HSD11B1L: variants seen among roughly 807,000 people sequenced by gnomAD.
HSD11B1L encodes the protein hydroxysteroid 11-beta dehydrogenase 1 like.
In HSD11B1L, 22 loss-of-function variants were observed where a neutral mutation model predicts 27.0. That is an observed-to-expected ratio of 0.81 (90% CI 0.58 to 1.16). The LOEUF (loss-of-function observed/expected upper bound fraction) is 1.16, where lower values mean the gene tolerates loss of function less well. Among genes scored for constraint, HSD11B1L ranks in the 50% most tolerant of loss-of-function variants. The pLI, the probability that HSD11B1L is intolerant of heterozygous loss-of-function variation, is 0.00. For missense variants in HSD11B1L, 372 were observed against 401.8 expected (o/e 0.93, Z 0.63); for synonymous variants, 187 against 189.2 (o/e 0.99, Z 0.09).
In HSD11B1L at chr19:5,686,405, G is replaced by GCC; in HGVS notation, c.205-4_205-3dup. 5.2e-6 allele frequency: 8 copies of GCC among 1,528,212 alleles called. No homozygotes were observed. Among genetic ancestry groups the GCC allele is most frequent in the East Asian group, 4.7e-5 (2 of 42,218 alleles). The allele number at this position is 1,528,212 out of a possible 1,614,324, so 94.7% of individuals were successfully genotyped here. A position where few individuals can be genotyped will look rare whatever the true frequency, so the allele number is the denominator to read the frequency against. On this transcript the variant is annotated splice_polypyrimidine_tract_variant and intron_variant, in intron 3 of 7. Coordinates refer to ENST00000339423, the MANE Select transcript of HSD11B1L (RefSeq NM_198706.3). ...GAGGAGAGGCCCACGGGCAGCTCTGGCCCCCCCCAGGTGGTAGGGAACTGC... is the reference window on the plus strand; with the variant it reads ...GAGGAGAGGCCCACGGGCAGCTCTGGCCCCCCCCCCAGGTGGTAGGGAACTGC...
chr19:5,687,150 C>T lies in HSD11B1L; in HGVS notation c.409-132C>T. 8.3e-7 allele frequency: 1 copy of T among 1,197,638 alleles called. No homozygotes were observed. The highest frequency in any genetic ancestry group is 2.6e-5 in the East Asian group (1 of 39,180). 74.2% of individuals were successfully genotyped at this position (1,197,638 alleles called of 1,614,324 possible). ...CCCAAGCCCCTGCTCCGGCCTTGAC[C>T]CCGCCCTCGGACCCGCCTTCCGGGT... On this transcript the variant is annotated intron_variant, in intron 5 of 7. Coordinates refer to ENST00000339423, the MANE Select transcript of HSD11B1L (RefSeq NM_198706.3). The surrounding 1 kb of genome is among the most constrained non-coding windows in gnomAD (Gnocchi z 6.6).
intron 1 of HSD11B1L, chr19:5,683,915 T>A (rs1312020296): frequency 6.4e-6 from 2 of 313,234 alleles, no homozygotes; most frequent in African/African-American, 2.2e-5. Context: ...AAAATAAAAA[T>A]AAAAAAATAA....
rs746809651 is a variant in HSD11B1L at position 5,686,910 on chromosome 19, C to CT, written c.328dup (p.Tyr110LeufsTer208). On this transcript the variant is annotated frameshift_variant, in exon 5 of 8. Transcript: ENST00000339423. LOFTEE classifies it high-confidence loss of function. ...GCGTTTCTGGGCCAGGCGGGCTGGA[C>CT]TACCTCGTGCTGAACCACATCGGCG... 6.4e-7 allele frequency: 1 copy of CT among 1,550,830 alleles called. No individual in the cohort carries two copies. Among genetic ancestry groups the CT allele is most frequent in the South Asian group, 1.2e-5 (1 of 84,002 alleles).
In HSD11B1L at chr19:5,682,836, T is replaced by TA. The variant is rs2054592577; in HGVS notation, c.-15+1566dup. 2.4e-5 allele frequency among the ~76,000 whole-genome samples: 3 copies of TA among 126,232 alleles called. No homozygotes were observed. The South Asian group carries it at 7.6e-4, about 32-fold the overall frequency. The allele number at this position is 126,232 out of a possible 152,430, so 82.8% of individuals were successfully genotyped here. On this transcript the variant is annotated intron_variant, in intron 1 of 7. Transcript: ENST00000339423. ...TTTTTTTTTTTTTTTTTTTTTTTTT[T>TA]AGACAGAGTCTCACTCTGTTGCCCA...
chr19:5,686,780 G>T, intron 4 of HSD11B1L, 120 bp from the exon 5 acceptor site: 1 of 827,848 alleles, frequency 1.2e-6, no homozygotes, highest in Non-Finnish European at 1.9e-6. Context: ...TGATCGTAGT[G>T]GGAGTTACCT....
intron 1 of HSD11B1L, chr19:5,684,395 G>A (rs1351120091): frequency 2.9e-6 from 1 of 347,394 alleles, no homozygotes; most frequent in East Asian, 4.8e-5. Flanking sequence ...CAGCATTCTA[G>A]GCAGTAGGAA....
chr19:5,686,489 C>A lies in HSD11B1L; in HGVS notation c.278C>A (p.Ala93Glu). The change falls in exon 4 of 8, where the codon GCG (alanine) becomes GAG (glutamate). Residue 93 changes from alanine to glutamate, a missense_variant. Physicochemically the swap from Ala to Glu is moderately radical, Grantham distance 107. Transcript: ENST00000339423. The stretch of plus-strand genomic sequence containing the variant: ...GCGGCGGACATGGCCTCCCCTGAGG[C>A]GCCCGAGAGCGTGGTGCAGTTTGCG... ...YIAADMASPE[A>E]PESVVQFALD... is the part of the protein sequence containing the mutation. 1 of 1,585,058 alleles carries A rather than the reference C, an allele frequency of 6.3e-7. No individual in the cohort carries two copies.
chr19:5,684,010 CTT>C (rs1295739264), intron 1 of HSD11B1L: 2 of 458,150 alleles, frequency 4.4e-6, no homozygotes, highest in East Asian at 7.0e-5. Context: ...GAGTTTCGCT[CTT>C]GTTGCCTAGG....
At chr19:5,683,208 C>CAA (rs1168433209) in intron 1 of HSD11B1L, among the ~76,000 whole-genome samples, 49 of 50,818 alleles carry the variant, frequency 9.6e-4, no homozygotes, top group African/African-American at 2.1e-3. Context: ...AACTCAGTCT[C>CAA]AAAAAAAAAA....
At position 5,687,663 on chromosome 19, in the gene HSD11B1L, A is replaced by G; in HGVS notation, c.663A>G (p.Ala221=). The change falls in exon 7 of 8, where the codon GCA becomes GCG. Residue 221 remains alanine (A), a synonymous_variant. Transcript: ENST00000339423. The surrounding 1 kb of genome is among the most constrained non-coding windows in gnomAD (Gnocchi z 6.6). The stretch of plus-strand genomic sequence containing the variant: ...GAGATCGCGCCTCCGCCGCCGAGGC[A>G]GTCAGGTGAGGCCCGGACAAGCTGG... ...GLRDRASAAE[A]VRGVTRVKAA... 3.2e-6 allele frequency: 5 copies of G among 1,581,986 alleles called. No homozygotes were observed. Among genetic ancestry groups the G allele is most frequent in the Non-Finnish European group, 4.3e-6 (5 of 1,169,748 alleles).
rs1222645552 is a variant in HSD11B1L at position 5,687,958 on chromosome 19, G to A, written c.*13G>A. On this transcript the variant is annotated 3_prime_UTR_variant, in exon 8 of 8. Transcript: ENST00000339423. This position sits in a 1 kb window ranked among gnomAD's most constrained non-coding sequence, Gnocchi z 6.6. ...CGCGGCAGCCTGAGCACCGGGGGGT[G>A]CCCCTCCAGTCCCAGACGGCAATGT... 1 of 1,557,772 alleles carries A rather than the reference G, an allele frequency of 6.4e-7. No individual in the cohort carries two copies.
In HSD11B1L at chr19:5,687,684, G is replaced by C; in HGVS notation, c.668+16G>C. On this transcript the variant is annotated intron_variant, in intron 7 of 7. Transcript: ENST00000339423. The surrounding 1 kb of genome is among the most constrained non-coding windows in gnomAD (Gnocchi z 6.6). ...AGGCAGTCAGGTGAGGCCCGGACAA[G>C]CTGGGGGCTGGGCTGGGGGCCATGG... The C allele has an allele frequency of 6.4e-7, 1 of 1,558,308 alleles. No individual in the cohort carries two copies. The highest frequency in any genetic ancestry group is 2.4e-5 in the East Asian group (1 of 42,192).
Position 5,686,451 on chromosome 19 carries a change from G to A in HSD11B1L, c.240G>A (p.Lys80=). 6.3e-7 allele frequency: 1 copy of A among 1,585,798 alleles called. No homozygotes were observed. Among genetic ancestry groups the A allele is most frequent in the Non-Finnish European group, 8.6e-7 (1 of 1,167,982 alleles). Residue 80 remains lysine (K), a synonymous_variant, in exon 4 of 8, where the codon AAG becomes AAA. Transcript: ENST00000339423. ...VGNCRKLGAP[K]VFYIAADMAS... Reference sequence around the variant, plus strand: ...ACTGCCGGAAGCTGGGCGCCCCCAAGGTCTTCTACATCGCGGCGGACATGG... The same window carrying A: ...ACTGCCGGAAGCTGGGCGCCCCCAAAGTCTTCTACATCGCGGCGGACATGG...
At position 5,688,007 on chromosome 19, in the gene HSD11B1L, G is replaced by T; in HGVS notation, c.*62G>T. 6.4e-7 allele frequency: 1 copy of T among 1,551,542 alleles called. No individual in the cohort carries two copies. Among genetic ancestry groups the T allele is most frequent in the Non-Finnish European group, 8.7e-7 (1 of 1,147,038 alleles). Reference sequence around the variant, plus strand: ...GTTCCTCCCTCCAACTGTCCCTGGAGCCAGAACACTCACAGAGACACCCCT... The same window carrying T: ...GTTCCTCCCTCCAACTGTCCCTGGATCCAGAACACTCACAGAGACACCCCT... On this transcript the variant is annotated 3_prime_UTR_variant, in exon 8 of 8. Transcript: ENST00000339423.
chr19:5,683,524 G>A (rs549792435), intron 1 of HSD11B1L, among the ~76,000 whole-genome samples: 1 of 152,320 alleles, frequency 6.6e-6, no homozygotes, highest in African/African-American at 2.4e-5. Flanking sequence ...GAACAAAGTA[G>A]AAGATTTCCA....
At position 5,687,996 on chromosome 19, in the gene HSD11B1L, C is replaced by G. The variant is rs1412621896; in HGVS notation, c.*51C>G. ...CAGACGGCAATGTTCCTCCCTCCAA[C>G]TGTCCCTGGAGCCAGAACACTCACA... is the stretch of plus-strand genomic sequence containing the variant. On this transcript the variant is annotated 3_prime_UTR_variant, in exon 8 of 8. Coordinates refer to ENST00000339423, the MANE Select transcript of HSD11B1L (RefSeq NM_198706.3). The surrounding 1 kb of genome is among the most constrained non-coding windows in gnomAD (Gnocchi z 6.6). 5 of 1,551,692 alleles carry G rather than the reference C, an allele frequency of 3.2e-6. No individual in the cohort carries two copies. Among genetic ancestry groups the G allele is most frequent in the Non-Finnish European group, 3.5e-6 (4 of 1,147,106 alleles).
intron 3 of HSD11B1L, 118 bp from the exon 4 acceptor site, chr19:5,686,298 C>T (rs887933955): frequency 4.3e-6 from 3 of 695,020 alleles, no homozygotes; most frequent in African/African-American, 3.7e-5. Context: ...GAATGGGTCC[C>T]GAGGCTCAGA....
chr19:5,687,918 G>A lies in HSD11B1L; in HGVS notation c.834G>A (p.Glu278=), dbSNP rs2054751564. ...CGCGGGCCTGGTTTATCCGCCAGGAGCTCAACGTCACGGCCGCGGCAGCCT... is the reference window on the plus strand; with the variant it reads ...CGCGGGCCTGGTTTATCCGCCAGGAACTCAACGTCACGGCCGCGGCAGCCT... ...PRPRAWFIRQ[E]LNVTAAAA is the part of the protein sequence containing the mutation. The change falls in exon 8 of 8, where the codon GAG becomes GAA. Residue 278 remains glutamate (E), a synonymous_variant. Transcript: ENST00000339423. This position sits in a 1 kb window ranked among gnomAD's most constrained non-coding sequence, Gnocchi z 6.6. 5 of 1,569,046 alleles carry A rather than the reference G, an allele frequency of 3.2e-6. No individual in the cohort carries two copies. Among genetic ancestry groups the A allele is most frequent in the Middle Eastern group, 1.7e-4 (1 of 6,036 alleles).
rs1043102015 is a variant in HSD11B1L at position 5,687,157 on chromosome 19, T to C, written c.409-125T>C. On this transcript the variant is annotated intron_variant, in intron 5 of 7. Transcript: ENST00000339423. The surrounding 1 kb of genome is among the most constrained non-coding windows in gnomAD (Gnocchi z 6.6). ...CCCTGCTCCGGCCTTGACCCCGCCC[T>C]CGGACCCGCCTTCCGGGTTTCTGGC... 10 of 1,182,604 alleles carry C rather than the reference T, an allele frequency of 8.5e-6. No individual in the cohort carries two copies. In the East Asian group the frequency reaches 1.8e-4, roughly 22 times the overall value. 73.3% of individuals were successfully genotyped at this position (1,182,604 alleles called of 1,614,324 possible).
Sources: allele counts gnomAD v4.1 joint callset (sites outside exome capture counted in the v4.1 genomes callset), GRCh38; gene constraint gnomAD v4.1.1; non-coding constraint Gnocchi (gnomAD v3.1); transcripts MANE v1.5; gene names NCBI Gene and HGNC (gene_info 2026-07-23, HGNC 2026-07-21).